The following SERPINB5 variants were observed in gnomAD, a reference collection of about 807,000 sequenced individuals.
SERPINB5 encodes serpin family B member 5.
Under a neutral mutation model 32.2 loss-of-function variants are expected in SERPINB5, and 27 were observed. That is an observed-to-expected ratio of 0.84 (90% confidence interval 0.62 to 1.16). SERPINB5 has a LOEUF of 1.16. Ranked by LOEUF, SERPINB5 falls within the 50% of genes most tolerant of loss-of-function variation. The pLI is 0.00. For synonymous variants in SERPINB5, 154 were observed against 157.4 expected, an observed-to-expected ratio of 0.98 and a Z score of 0.16; for missense variants, 388 against 436.3, an observed-to-expected ratio of 0.89 and a Z score of 0.99.
At chr18:63,499,645 G>A (rs1909530025) in intron 6 of SERPINB5, among the ~76,000 whole-genome samples, 1 of 152,138 alleles carries the variant, frequency 6.6e-6, no homozygotes, top group Non-Finnish European at 1.5e-5. Context: ...TTAGTCAAGG[G>A]TGTGTGCAGG....
intron 4 of SERPINB5, among the ~76,000 whole-genome samples, chr18:63,492,164 G>A (rs1909355460): frequency 6.6e-6 from 1 of 152,112 alleles, no homozygotes; most frequent in Non-Finnish European, 1.5e-5. Flanking sequence ...TTTTATTAAG[G>A]GATCACTCCC....
intron 1 of SERPINB5, among the ~76,000 whole-genome samples, chr18:63,477,708 G>A (rs556123706): frequency 1.3e-5 from 2 of 152,176 alleles, no homozygotes; most frequent in Non-Finnish European, 2.9e-5. Flanking sequence ...TGTAATAGCT[G>A]CTTGTAGTTT....
intron 2 of SERPINB5, 91 bp from the exon 3 acceptor site, chr18:63,486,855 C>A (rs1917221553): frequency 7.3e-7 from 1 of 1,366,408 alleles, no homozygotes; most frequent in African/African-American, 1.4e-5. Flanking sequence ...AGTCTGTATG[C>A]CCAAGGACGT....
Position 63,489,917 on chromosome 18 carries a change from A to G in SERPINB5, c.424+453A>G, listed in dbSNP as rs1172450641. Among the ~76,000 whole-genome samples, 34 of 151,522 alleles carry G rather than the reference A, an allele frequency of 2.2e-4. 1 individual carries two copies. Among genetic ancestry groups the G allele is most frequent in the Non-Finnish European group, 5.9e-5 (4 of 67,872 alleles). On this transcript the variant is annotated intron_variant, in intron 4 of 6. Coordinates refer to ENST00000382771, the MANE Select transcript of SERPINB5 (RefSeq NM_002639.5). ...CATATGTAAAAGAAAAACCGGCTGGACGCGGTGGCTCACGCCTGTAATCCC... is the reference window on the plus strand; with the variant it reads ...CATATGTAAAAGAAAAACCGGCTGGGCGCGGTGGCTCACGCCTGTAATCCC...
Position 63,503,473 on chromosome 18 carries a change from G to C in SERPINB5, c.879G>C (p.Leu293=), listed in dbSNP as rs2144513492. 1 of 1,614,226 alleles carries C rather than the reference G, an allele frequency of 6.2e-7. No individual in the cohort carries two copies. Among genetic ancestry groups the C allele is most frequent in the Non-Finnish European group, 8.5e-7 (1 of 1,180,046 alleles). Reference sequence around the variant, plus strand: ...AGGCTTGTCTGGAAAATCTAGGGCTGAAACATATCTTCAGTGAAGACACAT... The same window carrying C: ...AGGCTTGTCTGGAAAATCTAGGGCTCAAACATATCTTCAGTGAAGACACAT... The part of the protein sequence containing the change: ...DPKACLENLG[L]KHIFSEDTSD... Residue 293 remains leucine, a synonymous_variant, in exon 7 of 7, where the codon CTG becomes CTC. Transcript: ENST00000382771.
chr18:63,481,622 G>A (rs1227719054), intron 1 of SERPINB5, among the ~76,000 whole-genome samples: 1 of 152,188 alleles, frequency 6.6e-6, no homozygotes, highest in African/African-American at 2.4e-5. Flanking sequence ...TACATGTTGA[G>A]TTTTACTTGT....
chr18:63,492,748 T>G (rs1909366966), intron 4 of SERPINB5, among the ~76,000 whole-genome samples: 1 of 152,208 alleles, frequency 6.6e-6, no homozygotes, highest in African/African-American at 2.4e-5. Context: ...TCCTTCATTC[T>G]CCTCTGCTGA....
At chr18:63,497,729 A>T (rs1043940405) in intron 5 of SERPINB5, among the ~76,000 whole-genome samples, 1 of 152,188 alleles carries the variant, frequency 6.6e-6, no homozygotes, top group Non-Finnish European at 1.5e-5. Context: ...TTAAAGAAAA[A>T]ATATAACAAC....
At chr18:63,480,676 C>A (rs928656520) in intron 1 of SERPINB5, among the ~76,000 whole-genome samples, 1 of 152,174 alleles carries the variant, frequency 6.6e-6, no homozygotes, top group Non-Finnish European at 1.5e-5. Context: ...GCAACTGTGG[C>A]CAAAGTCATC....
In SERPINB5 at chr18:63,480,961, G is replaced by A. The variant is rs115019817; in HGVS notation, c.-7-3461G>A. On this transcript the variant is annotated intron_variant, in intron 1 of 6. Coordinates refer to ENST00000382771, the MANE Select transcript of SERPINB5 (RefSeq NM_002639.5). ...CTGAGAAAGGAGCCAGTCAGCATAG[G>A]AACAGGAAGGCAGATCTCTTTGCGT... Among the ~76,000 whole-genome samples the A allele has an allele frequency of 6.3e-3, 967 of 152,298 alleles. 10 individuals are homozygous for A. Among genetic ancestry groups the A allele is most frequent in the African/African-American group, 0.022 (928 of 41,568 alleles).
chr18:63,481,542 T>C (rs143967753), intron 1 of SERPINB5, among the ~76,000 whole-genome samples: 1 of 152,252 alleles, frequency 6.6e-6, no homozygotes, highest in South Asian at 2.1e-4. Flanking sequence ...CTGGTGGAAG[T>C]GTTAAGAAGC....
intron 1 of SERPINB5, 98 bp from the exon 2 acceptor site, chr18:63,484,324 C>T (rs1436064602): frequency 1.7e-6 from 2 of 1,166,614 alleles, no homozygotes; most frequent in Non-Finnish European, 2.4e-6. Flanking sequence ...AGATCAATTA[C>T]TTTGTTTAAA....
intron 4 of SERPINB5, among the ~76,000 whole-genome samples, 193 bp downstream of exon 4, chr18:63,489,657 T>C (rs908750532): frequency 7.2e-5 from 11 of 152,240 alleles, no homozygotes; most frequent in Non-Finnish European, 4.4e-5. Flanking sequence ...ATCTCATCAC[T>C]TGGTAGAAAC....
Position 63,503,957 on chromosome 18 carries a change from G to A in SERPINB5, c.*235G>A, listed in dbSNP as rs1599396144. The A allele has an allele frequency of 8.0e-6, 4 of 500,806 alleles. No homozygotes were observed. The highest frequency in any genetic ancestry group is 4.0e-5 in the African/African-American group (2 of 50,130). The allele number at this position is 500,806 out of a possible 1,614,324, so 31.0% of individuals were successfully genotyped here. On this transcript the variant is annotated 3_prime_UTR_variant, in exon 7 of 7. Coordinates refer to ENST00000382771, the MANE Select transcript of SERPINB5 (RefSeq NM_002639.5). ...CAATGACATACGCTTTTAATGAAAA[G>A]GAATCACGTTAGAGGAAAAATATTT...
In SERPINB5 at chr18:63,493,106, C is replaced by T. The variant is rs192215428; in HGVS notation, c.567+11C>T. On this transcript the variant is annotated intron_variant, in intron 5 of 6. Transcript: ENST00000382771. ...TTCAGAGTCAACAAGGTATGTGGGGCAGCATGTAGCAGTAAAAGGAGCCCA... is the reference window on the plus strand; with the variant it reads ...TTCAGAGTCAACAAGGTATGTGGGGTAGCATGTAGCAGTAAAAGGAGCCCA... 214 of 1,614,060 alleles carry T rather than the reference C, an allele frequency of 1.3e-4. No homozygotes were observed. In the African/African-American group the frequency reaches 2.7e-3, roughly 21 times the overall value.
chr18:63,500,043 T>C (rs548525695), intron 6 of SERPINB5, among the ~76,000 whole-genome samples: 1 of 151,996 alleles, frequency 6.6e-6, no homozygotes, highest in East Asian at 1.9e-4. Context: ...AGACAGGGTC[T>C]TGCTCCATTG....
chr18:63,494,680 T>C lies in SERPINB5; in HGVS notation c.567+1585T>C, dbSNP rs114329843. 8.7e-3 allele frequency among the ~76,000 whole-genome samples: 1,331 copies of C among 152,352 alleles called. 14 individuals are homozygous for C. The highest frequency in any genetic ancestry group is 0.03 in the African/African-American group (1,237 of 41,578). ...AGCCCTGCAAGATACAATCTATGCC[T>C]GGGTTAGCCGGATGGCTTCCATTAC... On this transcript the variant is annotated intron_variant, in intron 5 of 6. Coordinates refer to ENST00000382771, the MANE Select transcript of SERPINB5 (RefSeq NM_002639.5).
chr18:63,491,278 T>C (rs1264537881), intron 4 of SERPINB5, among the ~76,000 whole-genome samples: 1 of 151,544 alleles, frequency 6.6e-6, no homozygotes, highest in East Asian at 2.0e-4. Context: ...GTCACGCACC[T>C]GTAGTCCCAG....
At chr18:63,497,094 T>G in intron 5 of SERPINB5, 1 of 599,456 alleles carries the variant, frequency 1.7e-6, no homozygotes, top group South Asian at 1.4e-5. Context: ...CCCAGAGCAT[T>G]CATCTAAACA....
Sources: allele counts gnomAD v4.1 joint callset (sites outside exome capture counted in the v4.1 genomes callset), GRCh38; gene constraint gnomAD v4.1.1; transcripts MANE v1.5; gene names NCBI Gene and HGNC (gene_info 2026-07-23, HGNC 2026-07-21).